The following ALG12 variants were observed in gnomAD, a reference collection of about 807,000 sequenced individuals.
The protein encoded by ALG12 is ALG12 alpha-1,6-mannosyltransferase.
A neutral mutation model predicts 46.0 loss-of-function variants in ALG12; 36 were observed. That is an observed-to-expected ratio of 0.78 (90% CI 0.60 to 1.03). The LOEUF (loss-of-function observed/expected upper bound fraction) is 1.03. ALG12 is among the 50% of genes least tolerant of loss of function. The pLI, the probability that ALG12 is intolerant of heterozygous loss-of-function variation, is 0.00. For synonymous variants in ALG12, 326 were observed against 291.6 expected (o/e 1.12, Z -1.20); for missense variants, 599 against 633.5 (o/e 0.95, Z 0.58).
At chr22:49,878,515 C>T in the ALG12 span, among the ~76,000 whole-genome samples, 1 of 152,120 alleles carries the variant, frequency 6.6e-6, no homozygotes, top group Non-Finnish European at 1.5e-5. Context: ...AAGGATTGTC[C>T]TTTCAACAGA....
At chr22:49,912,304 C>T (rs1183669670) in intron 3 of ALG12, among the ~76,000 whole-genome samples, 1 of 152,232 alleles carries the variant, frequency 6.6e-6, no homozygotes, top group African/African-American at 2.4e-5. Context: ...GAAGCTGCAG[C>T]CCTCCAAGGT....
At chr22:49,870,071 G>A in the ALG12 span, among the ~76,000 whole-genome samples, 2 of 152,158 alleles carry the variant, frequency 1.3e-5, no homozygotes, top group African/African-American at 2.4e-5. Flanking sequence ...GTGAGAACAT[G>A]TGGTATCCGG....
chr22:49,908,548 C>A lies in ALG12; in HGVS notation c.769-604G>T, dbSNP rs1418950525. Among the ~76,000 whole-genome samples, 65 of 138,328 alleles carry A rather than the reference C, an allele frequency of 4.7e-4. 6 individuals are homozygous for A. The South Asian group carries it at 5.3e-3, about 11-fold the overall frequency. The allele number at this position is 138,328 out of a possible 152,430, so 90.7% of individuals were successfully genotyped here. ...TCTCAAAAAAAAAAAAAAAAAAAAC[C>A]AAAAAACAAAAAACAGACGGTCACG... On this transcript the variant is annotated intron_variant, in intron 6 of 9. Transcript: ENST00000330817.
the ALG12 span, among the ~76,000 whole-genome samples, chr22:49,894,313 T>C: frequency 2.6e-5 from 4 of 152,112 alleles, no homozygotes. Flanking sequence ...ATGGGACACA[T>C]AGGAAACAGA....
chr22:49,916,730 CT>C (rs1169332234), intron 1 of ALG12, among the ~76,000 whole-genome samples: 5 of 152,228 alleles, frequency 3.3e-5, no homozygotes, highest in African/African-American at 1.2e-4. Context: ...ATGGGGGGTA[CT>C]GCTTGAGGCC....
chr22:49,917,898 C>T (rs2060623397), intron 1 of ALG12, among the ~76,000 whole-genome samples: 1 of 94,508 alleles, frequency 1.1e-5, no homozygotes, highest in African/African-American at 5.2e-5. Context: ...TAAGTGGACC[C>T]CAGATCCCCA....
the ALG12 span, chr22:49,884,196 C>G: frequency 1.9e-6 from 3 of 1,607,680 alleles, no homozygotes; most frequent in South Asian, 3.3e-5. Flanking sequence ...GTGTGTCTGC[C>G]GTGTCCTCGT....
the ALG12 span, among the ~76,000 whole-genome samples, chr22:49,864,923 T>C: frequency 1.6e-5 from 2 of 121,904 alleles, no homozygotes; most frequent in Non-Finnish European, 3.2e-5. Flanking sequence ...GACCATGGGG[T>C]TCTATCCCAG....
chr22:49,913,263 G>C, intron 3 of ALG12, 122 bp downstream of exon 3: 1 of 1,482,460 alleles, frequency 6.7e-7, no homozygotes, highest in Non-Finnish European at 9.3e-7. Flanking sequence ...ATGCCACGGT[G>C]ATCGAGGGCA....
the ALG12 span, chr22:49,887,250 C>A: frequency 4.0e-6 from 6 of 1,484,074 alleles, no homozygotes; most frequent in Non-Finnish European, 9.1e-7. Flanking sequence ...GGTCTATGAC[C>A]CGCTCTGCCC....
In ALG12 at chr22:49,903,897, A is replaced by AG. The variant is rs1879697571; in HGVS notation, c.1407dup (p.Phe470LeufsTer215). ...AGCTTTGTCTGCAGGTGGACGTTGA[A>AG]GGGGGGCAGTTGGGTCAGGTTCAGA... is the stretch of plus-strand genomic sequence containing the variant. On this transcript the variant is annotated frameshift_variant, in exon 10 of 10. Coordinates refer to ENST00000330817, the MANE Select transcript of ALG12 (RefSeq NM_024105.4). LOFTEE classifies it high-confidence loss of function. The AG allele has an allele frequency of 6.2e-7, 1 of 1,614,050 alleles. No homozygotes were observed. Among genetic ancestry groups the AG allele is most frequent in the African/African-American group, 1.3e-5 (1 of 74,918 alleles).
At chr22:49,888,353 C>T in the ALG12 span, 39 of 167,166 alleles carry the variant, frequency 2.3e-4, no homozygotes, top group East Asian at 2.1e-3. Flanking sequence ...ACTGTACGTA[C>T]GCTTAATCTA....
chr22:49,907,024 C>T (rs73443949), intron 7 of ALG12, among the ~76,000 whole-genome samples: 17,226 of 152,134 alleles, frequency 0.11, 1,340 homozygotes, highest in African/African-American at 0.22. Flanking sequence ...GCCTGCAGTC[C>T]CTCCCCGCAG....
chr22:49,883,215 G>T, the ALG12 span: 1 of 152,906 alleles, frequency 6.5e-6, no homozygotes, highest in Non-Finnish European at 1.5e-5. Context: ...CAAGTTTTTC[G>T]ATTCCAGTTT....
the ALG12 span, among the ~76,000 whole-genome samples, chr22:49,866,354 C>T: frequency 4.6e-5 from 7 of 151,578 alleles, no homozygotes; most frequent in East Asian, 3.9e-4. Flanking sequence ...TAAATTGGTC[C>T]GTTTCTCTTG....
the ALG12 span, among the ~76,000 whole-genome samples, chr22:49,875,301 T>G: frequency 6.6e-6 from 1 of 152,070 alleles, no homozygotes; most frequent in Non-Finnish European, 1.5e-5. Flanking sequence ...TGTGGGAAGG[T>G]TTTTCAACTA....
Position 49,907,732 on chromosome 22 carries a change from G to A in ALG12, c.981C>T (p.Gly327=), listed in dbSNP as rs766100539. ...AAAAGAGCACTCACAGGTAGGAGCAGCCTCTGGCAGCCGTGATGTTGAGCA... is the reference window on the plus strand; with the variant it reads ...AAAAGAGCACTCACAGGTAGGAGCAACCTCTGGCAGCCGTGATGTTGAGCA... ...FPMLNITAAR[G]CSYLLNNYKK... is the part of the protein sequence containing the mutation. The change falls in exon 7 of 10, where the codon GGC becomes GGT. Residue 327 remains glycine, a synonymous_variant. Coordinates refer to ENST00000330817, the MANE Select transcript of ALG12 (RefSeq NM_024105.4). 9 of 1,614,030 alleles carry A rather than the reference G, an allele frequency of 5.6e-6. No individual in the cohort carries two copies. The highest frequency in any genetic ancestry group is 1.1e-5 in the South Asian group (1 of 91,090).
At chr22:49,880,557 C>G in the ALG12 span, among the ~76,000 whole-genome samples, 1 of 152,256 alleles carries the variant, frequency 6.6e-6, no homozygotes, top group African/African-American at 2.4e-5. Context: ...TTTCTCTTCT[C>G]TCTCAGCGTC....
chr22:49,885,305 A>C, the ALG12 span: 1 of 1,593,674 alleles, frequency 6.3e-7, no homozygotes, highest in Non-Finnish European at 8.6e-7. Context: ...GTCACAAAAA[A>C]CAATCAAGTT....
Sources: gnomAD v4.1 joint callset for allele counts (sites outside exome capture counted in the v4.1 genomes callset) on GRCh38, gnomAD v4.1.1 for gene constraint, MANE v1.5 for transcripts, NCBI Gene and HGNC (gene_info 2026-07-23, HGNC 2026-07-21) for gene names.